PSMD14: variants seen among roughly 807,000 people sequenced by gnomAD.
PSMD14 encodes proteasome 26S subunit, non-ATPase 14.
A neutral mutation model predicts 41.2 loss-of-function variants in PSMD14; 7 were observed. The observed-to-expected ratio is 0.17, with a 90% CI of 0.10 to 0.32. PSMD14 has a LOEUF of 0.32. PSMD14 is among the 10% of genes least tolerant of loss of function. The pLI is 1.00. For missense variants in PSMD14, 139 were observed against 375.6 expected, an observed-to-expected ratio of 0.37 and a Z score of 5.21; for synonymous variants, 114 against 122.3, an observed-to-expected ratio of 0.93 and a Z score of 0.45.
chr2:161,408,291 G>A (rs1454896238), intron 10 of PSMD14: 1 of 152,960 alleles, frequency 6.5e-6, no homozygotes, highest in Admixed American at 6.5e-5. Flanking sequence ...ATGTAAAGAT[G>A]TGAAATTACT....
At chr2:161,406,514 C>T (rs1349272626) in intron 10 of PSMD14, among the ~76,000 whole-genome samples, 8 of 152,126 alleles carry the variant, frequency 5.3e-5, no homozygotes, top group Non-Finnish European at 7.4e-5. Context: ...TCATTTCTTA[C>T]GTTTTTCCTG....
chr2:161,324,279 A>G (rs1682660075), intron 3 of PSMD14, among the ~76,000 whole-genome samples: 1 of 152,222 alleles, frequency 6.6e-6, no homozygotes. Context: ...ACAAGCAATC[A>G]TGTTTTAAGT....
rs1683623614 is a variant in PSMD14, at chr2:161,385,552, TAAAC to T, written c.554_557del (p.Asn185SerfsTer7). 1 of 1,600,430 alleles carries T rather than the reference TAAAC, an allele frequency of 6.2e-7. No individual in the cohort carries two copies. Among genetic ancestry groups the T allele is most frequent in the Non-Finnish European group, 8.6e-7 (1 of 1,168,748 alleles). On this transcript the variant is annotated frameshift_variant, in exon 8 of 12. Transcript: ENST00000409682. LOFTEE classifies it high-confidence loss of function. ...CAAACAACTTCGAATCTGGGTCACTTAAACAAGCCATCTATCCAGGTATTGCCTA... is the reference window on the plus strand; with the variant it reads ...CAAACAACTTCGAATCTGGGTCACTTAAGCCATCTATCCAGGTATTGCCTA...
chr2:161,346,142 C>T (rs1048809863), intron 3 of PSMD14, among the ~76,000 whole-genome samples: 1 of 152,168 alleles, frequency 6.6e-6, no homozygotes, highest in Non-Finnish European at 1.5e-5. Context: ...CTTGGCCTCC[C>T]GAAGTGCTGG....
rs904451085 is a variant in PSMD14, at chr2:161,395,828, G to A, written c.771+625G>A. Among the ~76,000 whole-genome samples the A allele has an allele frequency of 2.6e-5, 4 of 152,200 alleles. No individual in the cohort carries two copies. The East Asian group carries it at 5.8e-4, about 22-fold the overall frequency. On this transcript the variant is annotated intron_variant, in intron 10 of 11. Transcript: ENST00000409682. ...AAATGGATCCTTGCTTTATTTATAG[G>A]AAAACAGGAACAGTTAGACAAGCTT...
At chr2:161,314,223 A>G (rs984405146) in intron 1 of PSMD14, among the ~76,000 whole-genome samples, 2 of 152,234 alleles carry the variant, frequency 1.3e-5, no homozygotes, top group Admixed American at 6.5e-5. Flanking sequence ...CATCAACATC[A>G]TAAAACATCA....
chr2:161,396,588 T>A (rs1324369066), intron 10 of PSMD14, among the ~76,000 whole-genome samples: 1 of 152,010 alleles, frequency 6.6e-6, no homozygotes, highest in African/African-American at 2.4e-5. Context: ...GTTGAACTCA[T>A]AGAAGTAGAG....
chr2:161,394,696 C>T (rs1463162898), intron 9 of PSMD14, among the ~76,000 whole-genome samples: 2 of 152,110 alleles, frequency 1.3e-5, no homozygotes, highest in African/African-American at 4.8e-5. Context: ...ACAAAAATTT[C>T]AGGTCTTTGT....
chr2:161,343,720 C>G (rs576590468), intron 3 of PSMD14, among the ~76,000 whole-genome samples: 1 of 152,110 alleles, frequency 6.6e-6, no homozygotes, highest in Non-Finnish European at 1.5e-5. Context: ...TTTAGCTCCT[C>G]GGGAGCCTAA....
chr2:161,385,424 C>CT (rs778528886), intron 7 of PSMD14, 40 bp from the exon 8 acceptor site: 20 of 1,329,560 alleles, frequency 1.5e-5, no homozygotes, highest in Middle Eastern at 3.6e-4. Context: ...TTATCACTTG[C>CT]TTTTTAAAAA....
At chr2:161,369,090 A>T (rs1321741836) in intron 5 of PSMD14, among the ~76,000 whole-genome samples, 1 of 151,912 alleles carries the variant, frequency 6.6e-6, no homozygotes, top group Non-Finnish European at 1.5e-5. Flanking sequence ...CTGTCTTTTT[A>T]TATTAGGCTA....
At chr2:161,398,570 A>G (rs1051705558) in intron 10 of PSMD14, among the ~76,000 whole-genome samples, 1 of 151,946 alleles carries the variant, frequency 6.6e-6, no homozygotes, top group African/African-American at 2.4e-5. Context: ...GTTTGATTAC[A>G]TATTTGTAAA....
rs563648015 is a variant in PSMD14 at position 161,388,294 on chromosome 2, A to C, written c.570+2723A>C. ...AGTAATTACTGAACATATAAGTTAT[A>C]AAACAATTGCACTAGAAAGGAGCCA... On this transcript the variant is annotated intron_variant, in intron 8 of 11. Transcript: ENST00000409682. Among the ~76,000 whole-genome samples the C allele has an allele frequency of 1.1e-4, 16 of 152,212 alleles. No individual in the cohort carries two copies. The South Asian group carries it at 3.1e-3, about 30-fold the overall frequency.
rs578228080 is a variant in PSMD14, at chr2:161,341,104, C to G, written c.48+22231C>G. 9.7e-4 allele frequency: 1,412 copies of G among 1,457,044 alleles called. 15 individuals carry two copies. The African/African-American group carries it at 0.019, about 20-fold the overall frequency. 90.3% of individuals were successfully genotyped at this position (1,457,044 alleles called of 1,614,324 possible). A position where few individuals can be genotyped will look rare whatever the true frequency, so the allele number is the denominator to read the frequency against. Reference sequence around the variant, plus strand: ...AGCTCCCCCAGCCCCGCGGGCTCTCCAGGCTCCTCCGGCCCCGCGGGCGAG... The same window carrying G: ...AGCTCCCCCAGCCCCGCGGGCTCTCGAGGCTCCTCCGGCCCCGCGGGCGAG... On this transcript the variant is annotated intron_variant, in intron 3 of 11. Transcript: ENST00000409682.
In PSMD14 at chr2:161,379,051, C is replaced by A. The variant is rs574147671; in HGVS notation, c.463-6413C>A. Among the ~76,000 whole-genome samples the A allele has an allele frequency of 1.2e-4, 19 of 152,082 alleles. No individual in the cohort carries two copies. The South Asian group carries it at 3.5e-3, about 28-fold the overall frequency. ...ATGTATATAGGTCCTTTATTCTCATCCACATGCTCTACTGCCATGCTAACA... is the reference window on the plus strand; with the variant it reads ...ATGTATATAGGTCCTTTATTCTCATACACATGCTCTACTGCCATGCTAACA... On this transcript the variant is annotated intron_variant, in intron 7 of 11. Transcript: ENST00000409682.
intron 5 of PSMD14, among the ~76,000 whole-genome samples, chr2:161,368,308 A>G (rs928194405): frequency 1.2e-4 from 19 of 152,084 alleles, no homozygotes; most frequent in African/African-American, 4.1e-4. Flanking sequence ...TTGTTTTGAA[A>G]TATGTCATTT....
At chr2:161,383,093 C>T (rs929718395) in intron 7 of PSMD14, 3 of 151,676 alleles carry the variant, frequency 2.0e-5, no homozygotes, top group African/African-American at 7.3e-5. Flanking sequence ...CTTCTTCACC[C>T]ATTGCTCATT....
chr2:161,358,157 A>G (rs945772842), intron 3 of PSMD14, among the ~76,000 whole-genome samples: 13 of 152,150 alleles, frequency 8.5e-5, no homozygotes, highest in African/African-American at 3.1e-4. Context: ...CACTTTACCC[A>G]GCATTTCCCT....
chr2:161,359,151 T>C (rs971128326), intron 3 of PSMD14, among the ~76,000 whole-genome samples: 2 of 151,958 alleles, frequency 1.3e-5, no homozygotes, highest in Non-Finnish European at 2.9e-5. Flanking sequence ...AAAAAAAAAT[T>C]TGTGGAGATG....
Sources: allele counts gnomAD v4.1 joint callset (sites outside exome capture counted in the v4.1 genomes callset), GRCh38; gene constraint gnomAD v4.1.1; transcripts MANE v1.5; gene names NCBI Gene and HGNC (gene_info 2026-07-23, HGNC 2026-07-21).